Variants in CDK14 observed in about 807,000 individuals in gnomAD.
CDK14 encodes cyclin-dependent kinase 14.
CDK14 carries 34 observed loss-of-function variants against 60.7 expected under a neutral mutation model. That is an observed-to-expected ratio of 0.56 (90% CI 0.43 to 0.75). The LOEUF is 0.75. Ranked by LOEUF, CDK14 falls within the 30% of genes least tolerant of loss-of-function variation. The pLI is 0.00. For synonymous variants in CDK14, 197 were observed against 203.7 expected, an observed-to-expected ratio of 0.97 and a Z score of 0.28; for missense variants, 482 against 564.1, an observed-to-expected ratio of 0.85 and a Z score of 1.47.
intron 4 of CDK14, among the ~76,000 whole-genome samples, chr7:90,786,660 T>C (rs1805594568): frequency 6.6e-6 from 1 of 152,156 alleles, no homozygotes; most frequent in Admixed American, 6.5e-5. Context: ...GTTCACACCT[T>C]AATCCCAGCA....
Position 90,917,607 on chromosome 7 carries a change from T to C in CDK14, c.709T>C (p.Leu237=), listed in dbSNP as rs1206481347. The change falls in exon 8 of 15, where the codon TTA becomes CTA. Residue 237 remains leucine, a synonymous_variant. Coordinates refer to ENST00000380050, the MANE Select transcript of CDK14 (RefSeq NM_001287135.2). ...TTGTCTCCTTATTTTTCAGTTGTTTTTATTTCAGTTGCTGCGAGGTCTGTC... is the reference window on the plus strand; with the variant it reads ...TTGTCTCCTTATTTTTCAGTTGTTTCTATTTCAGTTGCTGCGAGGTCTGTC... ...GLHPDNVKLF[L]FQLLRGLSYI... is the part of the protein sequence containing the mutation. The C allele has an allele frequency of 6.2e-7, 1 of 1,612,370 alleles. No individual in the cohort carries two copies. The highest frequency in any genetic ancestry group is 2.2e-5 in the East Asian group (1 of 44,858).
intron 2 of CDK14, among the ~76,000 whole-genome samples, chr7:90,628,603 T>C (rs1469504383): frequency 6.6e-6 from 1 of 152,026 alleles, no homozygotes; most frequent in Non-Finnish European, 1.5e-5. Flanking sequence ...GGAGGATCAG[T>C]AGAGGCCAGG....
intron 12 of CDK14, among the ~76,000 whole-genome samples, chr7:91,093,715 A>G (rs1798898643): frequency 6.6e-6 from 1 of 152,212 alleles, no homozygotes; most frequent in South Asian, 2.1e-4. Context: ...CCAAAATGGC[A>G]TATGCACTCA....
intron 5 of CDK14, among the ~76,000 whole-genome samples, chr7:90,811,879 C>G (rs1433940761): frequency 6.6e-6 from 1 of 152,216 alleles, no homozygotes; most frequent in African/African-American, 2.4e-5. Context: ...CTCATCATCA[C>G]TGGCCATCAG....
intron 5 of CDK14, among the ~76,000 whole-genome samples, chr7:90,805,037 T>C (rs1163288936): frequency 2.0e-5 from 3 of 152,116 alleles, no homozygotes; most frequent in Non-Finnish European, 4.4e-5. Flanking sequence ...AAATAAAATG[T>C]CCTGTGTTAC....
At chr7:90,717,477 G>A (rs529576100) in intron 2 of CDK14, among the ~76,000 whole-genome samples, 189 of 152,250 alleles carry the variant, frequency 1.2e-3, no homozygotes, top group Non-Finnish European at 1.9e-3. Context: ...ATAAAGGAAT[G>A]TGGTGTCCTC....
At chr7:90,838,108 G>A (rs1339013810) in intron 5 of CDK14, among the ~76,000 whole-genome samples, 1 of 152,138 alleles carries the variant, frequency 6.6e-6, no homozygotes, top group Admixed American at 6.5e-5. Flanking sequence ...TGAAGCTGCG[G>A]CAGAAGAACA....
chr7:90,625,292 A>G (rs987567891), intron 2 of CDK14, among the ~76,000 whole-genome samples: 5 of 152,168 alleles, frequency 3.3e-5, no homozygotes, highest in African/African-American at 1.2e-4. Flanking sequence ...GTGAGCTGCA[A>G]TGGCTTCACT....
In CDK14 at chr7:90,964,682, C is replaced by T. The variant is rs908331354; in HGVS notation, c.947+8865C>T. On this transcript the variant is annotated intron_variant, in intron 9 of 14. Coordinates refer to ENST00000380050, the MANE Select transcript of CDK14 (RefSeq NM_001287135.2). ...GGTATTTTACTTCTGTCTTAAATTG[C>T]TTATATTGCTATTCATTGATTTACT... Among the ~76,000 whole-genome samples, 8 of 152,030 alleles carry T rather than the reference C, an allele frequency of 5.3e-5. No homozygotes were observed. The East Asian group carries it at 1.5e-3, about 29-fold the overall frequency.
chr7:90,658,685 G>C (rs115095416), intron 2 of CDK14, among the ~76,000 whole-genome samples: 2,369 of 152,082 alleles, frequency 0.016, 89 homozygotes, highest in African/African-American at 0.052. Flanking sequence ...GACACATTTT[G>C]TTTATTCATT....
At chr7:90,615,020 T>G (rs1429081732) in intron 2 of CDK14, among the ~76,000 whole-genome samples, 1 of 152,110 alleles carries the variant, frequency 6.6e-6, no homozygotes, top group East Asian at 1.9e-4. Flanking sequence ...AGTGCAACAT[T>G]ATATGATTAA....
intron 3 of CDK14, among the ~76,000 whole-genome samples, chr7:90,727,662 A>G (rs1802692449): frequency 6.6e-6 from 1 of 152,060 alleles, no homozygotes; most frequent in South Asian, 2.1e-4. Flanking sequence ...CTTCATTCAA[A>G]TTAAGATAAT....
intron 10 of CDK14, among the ~76,000 whole-genome samples, chr7:91,038,775 A>G: frequency 6.6e-6 from 1 of 152,242 alleles, no homozygotes; most frequent in Non-Finnish European, 1.5e-5. Context: ...CGTAATAGTG[A>G]ATGAGTCCCA....
chr7:90,633,095 C>CA (rs10645065), intron 2 of CDK14, among the ~76,000 whole-genome samples: 87,408 of 144,744 alleles, frequency 0.6, 26,439 homozygotes, highest in Non-Finnish European at 0.64. Context: ...GATTCTGTCT[C>CA]AAAAAAAAAA....
intron 14 of CDK14, among the ~76,000 whole-genome samples, chr7:91,192,641 C>G (rs1383696893): frequency 6.6e-6 from 1 of 152,070 alleles, no homozygotes; most frequent in Non-Finnish European, 1.5e-5. Context: ...GAAGCTCTCA[C>G]AATAATTTTT....
At chr7:90,799,258 A>C (rs1032692476) in intron 5 of CDK14, among the ~76,000 whole-genome samples, 1 of 152,250 alleles carries the variant, frequency 6.6e-6, no homozygotes, top group Non-Finnish European at 1.5e-5. Flanking sequence ...GTGCTTGCAC[A>C]GCCAGAGCCT....
At chr7:90,835,071 C>A (rs1267243440) in intron 5 of CDK14, among the ~76,000 whole-genome samples, 1 of 151,922 alleles carries the variant, frequency 6.6e-6, no homozygotes, top group African/African-American at 2.4e-5. Context: ...CGGTGACTGA[C>A]AAGGAGCAAA....
intron 10 of CDK14, among the ~76,000 whole-genome samples, chr7:91,019,389 C>T (rs1378548004): frequency 6.6e-6 from 1 of 152,140 alleles, no homozygotes. Flanking sequence ...TAGCTTTGAT[C>T]TGTTTTCAAT....
intron 12 of CDK14, among the ~76,000 whole-genome samples, chr7:91,110,621 T>C (rs1311441005): frequency 1.3e-5 from 2 of 152,228 alleles, no homozygotes; most frequent in Non-Finnish European, 2.9e-5. Context: ...CGCAATCACC[T>C]TTCTCTTCTT....
Sources: allele counts gnomAD v4.1 joint callset (sites outside exome capture counted in the v4.1 genomes callset), GRCh38; gene constraint gnomAD v4.1.1; transcripts MANE v1.5; gene names NCBI Gene and HGNC (gene_info 2026-07-23, HGNC 2026-07-21).